The following ACBD5 variants were observed in gnomAD, a reference collection of about 807,000 sequenced individuals.
ACBD5 encodes acyl-CoA-binding domain-containing protein 5.
Under a neutral mutation model 71.8 loss-of-function variants are expected in ACBD5, and 40 were observed. The ratio of observed to expected loss-of-function variants is 0.56; its 90% CI spans 0.43 to 0.72. The LOEUF (loss-of-function observed/expected upper bound fraction) is 0.72. Ranked by LOEUF, ACBD5 falls within the 30% of genes least tolerant of loss-of-function variation. The pLI, the probability that ACBD5 is intolerant of heterozygous loss-of-function variation, is 0.00. For synonymous variants in ACBD5, 229 were observed against 218.6 expected, an observed-to-expected ratio of 1.05 and a Z score of -0.42; for missense variants, 559 against 644.5, an observed-to-expected ratio of 0.87 and a Z score of 1.44.
chr10:27,214,803 T>G (rs1446097814), intron 8 of ACBD5, among the ~76,000 whole-genome samples: 2 of 152,204 alleles, frequency 1.3e-5, no homozygotes, highest in Non-Finnish European at 2.9e-5. Flanking sequence ...CCCGGCATTT[T>G]GGGAGGCTGA....
chr10:27,209,326 A>G (rs2060815025), intron 9 of ACBD5, among the ~76,000 whole-genome samples: 1 of 151,684 alleles, frequency 6.6e-6, no homozygotes, highest in South Asian at 2.1e-4. Context: ...ATAAATCTCC[A>G]AAGGTATTTG....
intron 4 of ACBD5, among the ~76,000 whole-genome samples, chr10:27,226,404 T>G (rs2137808699): frequency 6.7e-6 from 1 of 148,340 alleles, no homozygotes; most frequent in African/African-American, 2.5e-5. Flanking sequence ...ACACCAATAT[T>G]GAAATACAAG....
At position 27,218,076 on chromosome 10, in the gene ACBD5, C is replaced by T. The variant is rs772202583; in HGVS notation, c.733G>A (p.Ala245Thr). The change falls in exon 7 of 13, where the codon GCC becomes ACC. Residue 245 changes from alanine to threonine, a missense_variant. Coordinates refer to ENST00000396271, the MANE Select transcript of ACBD5 (RefSeq NM_145698.5). ...CTTCTGCCATTCAGGGAAGAACTGG[C>T]ATGAATGTCATTCTGTATATCCTGA... ...FVQDIQNDIHASSSLNGRSTE... is the reference protein window; with the variant it reads ...FVQDIQNDIHTSSSLNGRSTE... The T allele has an allele frequency of 6.2e-7, 1 of 1,614,130 alleles. No homozygotes were observed. The highest frequency in any genetic ancestry group is 1.1e-5 in the South Asian group (1 of 91,086).
At chr10:27,204,130 C>T (rs1309964120) in intron 12 of ACBD5, among the ~76,000 whole-genome samples, 3 of 92,274 alleles carry the variant, frequency 3.3e-5, no homozygotes, top group African/African-American at 4.5e-5. Context: ...CAAAACGGGA[C>T]CCAGTCTCAA....
chr10:27,228,283 A>AAAAG (rs1055398629), intron 4 of ACBD5, among the ~76,000 whole-genome samples: 3 of 151,108 alleles, frequency 2.0e-5, no homozygotes, highest in Non-Finnish European at 4.4e-5. Context: ...AAAAAAAAAA[A>AAAAG]ATAGAATTTT....
chr10:27,195,193 T>C (rs1335697158), downstream of ACBD5: 1 of 372,676 alleles, frequency 2.7e-6, no homozygotes, highest in South Asian at 2.1e-5. Flanking sequence ...GGGCTAATAG[T>C]AACAAGTAAT....
At chr10:27,236,237 T>C (rs2064673345) in intron 2 of ACBD5, among the ~76,000 whole-genome samples, 1 of 152,082 alleles carries the variant, frequency 6.6e-6, no homozygotes, top group Non-Finnish European at 1.5e-5. Flanking sequence ...GATATATAAA[T>C]ATAACAGGAC....
chr10:27,189,868 A>C (rs2059007254), intron 13 of ACBD5, among the ~76,000 whole-genome samples: 1 of 152,104 alleles, frequency 6.6e-6, no homozygotes, highest in East Asian at 1.9e-4. Flanking sequence ...ATAAGTTGGT[A>C]TCTGTTAAAG....
In ACBD5 at chr10:27,205,231, T is replaced by C. The variant is rs749577552; in HGVS notation, c.1422A>G (p.Ser474=). ...LTALQAKSST[S]TLQTAPQPTS... is the part of the protein sequence containing the mutation. ...TGGGCTGAGGAGCAGTCTGCAATGT[T>C]GATGTTGATGATTTTGCCTGTAAAT... The change falls in exon 11 of 13, where the codon TCA becomes TCG. Residue 474 remains serine, a synonymous_variant. Transcript: ENST00000396271. The C allele has an allele frequency of 6.2e-7, 1 of 1,613,316 alleles. No homozygotes were observed. The highest frequency in any genetic ancestry group is 8.5e-7 in the Non-Finnish European group (1 of 1,179,728).
At chr10:27,241,577 C>T (rs191205310), upstream of ACBD5, among the ~76,000 whole-genome samples, 253 of 152,186 alleles carry the variant, frequency 1.7e-3, 1 homozygote, top group African/African-American at 5.9e-3. Context: ...GGAGACTGGG[C>T]ATGGGGACGG....
chr10:27,228,811 ATATATTTTTTTTT>A (rs1228217071), intron 4 of ACBD5, among the ~76,000 whole-genome samples: 1,295 of 15,882 alleles, frequency 0.082, 25 homozygotes, highest in Non-Finnish European at 0.21. Context: ...ATATATATAT[ATATATTTTTTTTT>A]TTTTTTTTTT....
chr10:27,185,902 C>T (rs1327873518), intron 13 of ACBD5, among the ~76,000 whole-genome samples: 3 of 151,936 alleles, frequency 2.0e-5, no homozygotes, highest in Admixed American at 6.6e-5. Context: ...CCAACCTGCC[C>T]AACATGGCGA....
intron 7 of ACBD5, among the ~76,000 whole-genome samples, chr10:27,215,968 G>A (rs893307964): frequency 3.3e-5 from 5 of 151,990 alleles, no homozygotes; most frequent in Non-Finnish European, 5.9e-5. Context: ...TCCGCCTCCC[G>A]GATTCAAGTG....
chr10:27,191,401 T>C (rs1412682768), downstream of ACBD5, among the ~76,000 whole-genome samples: 1 of 152,082 alleles, frequency 6.6e-6, no homozygotes, highest in East Asian at 1.9e-4. Flanking sequence ...TCAAAACTCA[T>C]AGGATGTACA....
intron 3 of ACBD5, among the ~76,000 whole-genome samples, chr10:27,233,454 G>A (rs2064183036): frequency 1.3e-5 from 2 of 148,690 alleles, no homozygotes; most frequent in Non-Finnish European, 3.0e-5. Context: ...AACTGGTGTG[G>A]CATGGTGGTT....
At chr10:27,194,922 A>G (rs534706685), downstream of ACBD5, among the ~76,000 whole-genome samples, 5 of 151,890 alleles carry the variant, frequency 3.3e-5, 1 homozygote, top group African/African-American at 1.2e-4. Context: ...CTTGAACCTG[A>G]GAGGCGGAGG....
chr10:27,197,474 T>C (rs1343017030), intron 12 of ACBD5, 32 bp from the exon 13 acceptor site: 2 of 1,529,236 alleles, frequency 1.3e-6, no homozygotes, highest in Non-Finnish European at 1.8e-6. Flanking sequence ...CAATTTCCTG[T>C]GAGTATGAAT....
intron 12 of ACBD5, among the ~76,000 whole-genome samples, chr10:27,202,941 A>G (rs788203): frequency 0.18 from 26,325 of 149,458 alleles, 2,928 homozygotes; most frequent in East Asian, 0.28. Context: ...AGAAGAAAAG[A>G]AAGGATTTAA....
At chr10:27,184,194 A>G (rs2058498621) in intron 13 of ACBD5, among the ~76,000 whole-genome samples, 1 of 152,212 alleles carries the variant, frequency 6.6e-6, no homozygotes, top group Non-Finnish European at 1.5e-5. Context: ...AATGTCATGT[A>G]GTGGTAAATA....
Sources: gnomAD v4.1 joint callset for allele counts (sites outside exome capture counted in the v4.1 genomes callset) on GRCh38, gnomAD v4.1.1 for gene constraint, MANE v1.5 for transcripts, NCBI Gene and HGNC (gene_info 2026-07-23, HGNC 2026-07-21) for gene names.